Variants in NRXN3 observed in about 807,000 individuals in gnomAD.
NRXN3 encodes the protein neurexin III.
Under a neutral mutation model 137.6 loss-of-function variants are expected in NRXN3, and 32 were observed. The ratio of observed to expected loss-of-function variants is 0.23; its 90% confidence interval spans 0.18 to 0.31. NRXN3 has a LOEUF of 0.31. Among genes scored for constraint, NRXN3 ranks in the 10% least tolerant of loss-of-function variants. The pLI, the probability that NRXN3 is intolerant of heterozygous loss-of-function variation, is 1.00. For missense variants in NRXN3, 1,574 were observed against 2,062.5 expected, an observed-to-expected ratio of 0.76 and a Z score of 4.59; for synonymous variants, 798 against 784.5, an observed-to-expected ratio of 1.02 and a Z score of -0.29.
At chr14:78,462,688 A>G (rs1011464410) in intron 4 of NRXN3, among the ~76,000 whole-genome samples, 4 of 152,196 alleles carry the variant, frequency 2.6e-5, no homozygotes, top group Non-Finnish European at 5.9e-5. Flanking sequence ...TCTCTTGGCA[A>G]AACGAATACA....
At chr14:79,398,629 T>G (rs1011930931) in intron 15 of NRXN3, among the ~76,000 whole-genome samples, 1 of 152,040 alleles carries the variant, frequency 6.6e-6, no homozygotes, top group Non-Finnish European at 1.5e-5. Flanking sequence ...TCTCAACCTC[T>G]GCCATTAAAA....
At chr14:79,400,066 T>C (rs1298974946) in intron 15 of NRXN3, among the ~76,000 whole-genome samples, 1 of 152,180 alleles carries the variant, frequency 6.6e-6, no homozygotes, top group Non-Finnish European at 1.5e-5. Context: ...ACACTAGTCT[T>C]TTATTTGGAA....
chr14:78,777,807 G>A (rs909037722), intron 8 of NRXN3, among the ~76,000 whole-genome samples: 3 of 152,072 alleles, frequency 2.0e-5, no homozygotes, highest in African/African-American at 4.8e-5. Flanking sequence ...CTGTCACCCA[G>A]GCTGGAGTGC....
intron 16 of NRXN3, among the ~76,000 whole-genome samples, chr14:79,490,628 T>C (rs759203720): frequency 6.8e-6 from 1 of 147,950 alleles, no homozygotes; most frequent in Non-Finnish European, 1.5e-5. Context: ...ACAATTGAAC[T>C]CATGGGCATA....
At chr14:78,291,123 G>A (rs754878207) in intron 3 of NRXN3, among the ~76,000 whole-genome samples, 4 of 152,168 alleles carry the variant, frequency 2.6e-5, no homozygotes, top group Admixed American at 1.3e-4. Context: ...TCTGAGATAT[G>A]TCTCCTTTCT....
At chr14:78,371,529 G>A (rs2086829659) in intron 4 of NRXN3, among the ~76,000 whole-genome samples, 1 of 152,216 alleles carries the variant, frequency 6.6e-6, no homozygotes, top group Non-Finnish European at 1.5e-5. Context: ...CAAAAAGGCT[G>A]TCACACTGAC....
At chr14:79,229,579 G>A (rs560640115) in intron 15 of NRXN3, among the ~76,000 whole-genome samples, 17 of 152,312 alleles carry the variant, frequency 1.1e-4, no homozygotes, top group Non-Finnish European at 1.5e-5. Context: ...TCAGCAGGAT[G>A]GAGGAGTAAA....
intron 15 of NRXN3, among the ~76,000 whole-genome samples, chr14:79,455,793 C>T (rs561127994): frequency 9.2e-5 from 14 of 151,702 alleles, no homozygotes; most frequent in African/African-American, 2.9e-4. Context: ...TTTTCTTTGA[C>T]ATTTTAAAGA....
intron 6 of NRXN3, among the ~76,000 whole-genome samples, chr14:78,666,525 T>C (rs2097888078): frequency 6.6e-6 from 1 of 152,188 alleles, no homozygotes. Flanking sequence ...TTAGAACAGC[T>C]CATACTGTCA....
chr14:78,503,564 G>C (rs1382575039), intron 4 of NRXN3, among the ~76,000 whole-genome samples: 2 of 152,142 alleles, frequency 1.3e-5, no homozygotes, highest in Non-Finnish European at 2.9e-5. Context: ...GTCAGGGCAA[G>C]GCAGTGGGAG....
chr14:79,450,737 A>G (rs2096154943), intron 15 of NRXN3, among the ~76,000 whole-genome samples: 1 of 151,952 alleles, frequency 6.6e-6, no homozygotes, highest in Non-Finnish European at 1.5e-5. Context: ...ATGAGGGCAC[A>G]TGCCTGTAAT....
intron 4 of NRXN3, among the ~76,000 whole-genome samples, chr14:78,599,913 G>A (rs2097189201): frequency 6.6e-6 from 1 of 152,186 alleles, no homozygotes; most frequent in Non-Finnish European, 1.5e-5. Flanking sequence ...TATAGGCTGG[G>A]CCAGGTGATA....
At chr14:78,437,531 T>G (rs916286503) in intron 4 of NRXN3, among the ~76,000 whole-genome samples, 2 of 152,058 alleles carry the variant, frequency 1.3e-5, no homozygotes, top group Admixed American at 6.5e-5. Flanking sequence ...GTAGTTTTAG[T>G]AGAGACAGGG....
intron 15 of NRXN3, among the ~76,000 whole-genome samples, chr14:79,463,973 C>T (rs2096387775): frequency 6.6e-6 from 1 of 152,024 alleles, no homozygotes; most frequent in African/African-American, 2.4e-5. Flanking sequence ...CAAAATAATT[C>T]TATGTTTCCT....
intron 15 of NRXN3, among the ~76,000 whole-genome samples, chr14:79,387,928 G>T (rs2094692483): frequency 8.0e-6 from 1 of 125,548 alleles, no homozygotes; most frequent in Non-Finnish European, 1.6e-5. Flanking sequence ...ACAGGAAGGG[G>T]AACATCACAC....
chr14:78,193,078 A>G (rs933998271), intron 1 of NRXN3, among the ~76,000 whole-genome samples: 11 of 152,184 alleles, frequency 7.2e-5, no homozygotes, highest in African/African-American at 2.7e-4. Context: ...TGTTGCGGAC[A>G]ACTCCTTAAG....
intron 15 of NRXN3, among the ~76,000 whole-genome samples, chr14:79,190,322 T>A (rs1056052858): frequency 6.6e-6 from 1 of 152,196 alleles, no homozygotes; most frequent in African/African-American, 2.4e-5. Flanking sequence ...CTTCCCTCTC[T>A]GTATCTATAT....
intron 8 of NRXN3, among the ~76,000 whole-genome samples, chr14:78,768,447 TAGTCATGAATTATC>T (rs1227494720): frequency 6.6e-6 from 1 of 152,176 alleles, no homozygotes; most frequent in African/African-American, 2.4e-5. Flanking sequence ...TAGGGGTCCT[TAGTCATGAATTATC>T]AGTAAAAAGC....
chr14:79,113,842 T>C (rs558777391), intron 15 of NRXN3, among the ~76,000 whole-genome samples: 1 of 152,314 alleles, frequency 6.6e-6, no homozygotes, highest in South Asian at 2.1e-4. Context: ...AATACAGATT[T>C]CTGAATTCAA....
Sources: allele counts gnomAD v4.1 joint callset (sites outside exome capture counted in the v4.1 genomes callset), GRCh38; gene constraint gnomAD v4.1.1; transcripts MANE v1.5; gene names NCBI Gene and HGNC (gene_info 2026-07-23, HGNC 2026-07-21).